Variants in SORL1 observed in about 807,000 individuals in gnomAD.
SORL1 encodes sortilin-related receptor.
In SORL1, 127 loss-of-function variants were observed where a neutral mutation model predicts 273.7. The ratio of observed to expected loss-of-function variants is 0.46; its 90% CI spans 0.40 to 0.54. The LOEUF is 0.54. Ranked by LOEUF, SORL1 falls within the 20% of genes least tolerant of loss-of-function variation. The probability of loss-of-function intolerance (pLI) is 0.00; values close to 1 mark genes in which losing one functional copy is unlikely to be tolerated. For missense variants in SORL1, 2,494 were observed against 2,846.1 expected, an observed-to-expected ratio of 0.88 and a Z score of 2.81; for synonymous variants, 1,031 against 1,067.4, an observed-to-expected ratio of 0.97 and a Z score of 0.66.
intron 25 of SORL1, among the ~76,000 whole-genome samples, chr11:121,582,156 A>G (rs1183977502): frequency 2.6e-5 from 4 of 152,222 alleles, no homozygotes; most frequent in Admixed American, 6.5e-5. Context: ...ATGAGCTACC[A>G]CTTGTTTTAA....
intron 2 of SORL1, among the ~76,000 whole-genome samples, chr11:121,472,288 C>A (rs550642279): frequency 1.3e-5 from 2 of 152,330 alleles, no homozygotes; most frequent in African/African-American, 4.8e-5. Flanking sequence ...TTGAGAAATC[C>A]TTCTTGGAAT....
intron 24 of SORL1, among the ~76,000 whole-genome samples, chr11:121,574,947 T>C (rs1862905854): frequency 6.6e-6 from 1 of 152,182 alleles, no homozygotes; most frequent in Admixed American, 6.5e-5. Context: ...CTCTGTGAAC[T>C]GTTCTTTTTT....
chr11:121,627,865 A>G lies in SORL1; in HGVS notation c.6577+98A>G. 1.3e-6 allele frequency: 1 copy of G among 771,618 alleles called. No individual in the cohort carries two copies. The highest frequency in any genetic ancestry group is 2.1e-6 in the Non-Finnish European group (1 of 483,470). 47.8% of individuals were successfully genotyped at this position (771,618 alleles called of 1,614,324 possible). On this transcript the variant is annotated intron_variant, in intron 47 of 47. Transcript: ENST00000260197. The surrounding 1 kb of genome is among the most constrained non-coding windows in gnomAD (Gnocchi z 4.9). ...ACACCCACCTTCAGCTCCTCTTTTG[A>G]CCCTGGAGGAGCTCTTCATCAGCCA... is the stretch of plus-strand genomic sequence containing the variant.
intron 25 of SORL1, among the ~76,000 whole-genome samples, chr11:121,579,723 A>G (rs1419427800): frequency 1.3e-5 from 2 of 152,208 alleles, no homozygotes; most frequent in Admixed American, 6.5e-5. Context: ...ATATTAAAAA[A>G]TCCTAAACTT....
chr11:121,596,582 G>T lies in SORL1; in HGVS notation c.4519+810G>T, dbSNP rs1863298796. Among the ~76,000 whole-genome samples, 1 of 152,122 alleles carries T rather than the reference G, an allele frequency of 6.6e-6. No individual in the cohort carries two copies. Among genetic ancestry groups the T allele is most frequent in the South Asian group, 2.1e-4 (1 of 4,822 alleles). On this transcript the variant is annotated intron_variant, in intron 32 of 47. Coordinates refer to ENST00000260197, the MANE Select transcript of SORL1 (RefSeq NM_003105.6). This position sits in a 1 kb window ranked among gnomAD's most constrained non-coding sequence, Gnocchi z 4.3. ...TGACGGTTGGGTGCTGCTCTGGCTC[G>T]GGGATCCCTGCTTTGCGGGCCTCCC... is the stretch of plus-strand genomic sequence containing the variant.
intron 1 of SORL1, among the ~76,000 whole-genome samples, chr11:121,455,310 G>A (rs1445640465): frequency 1.1e-4 from 16 of 152,294 alleles, no homozygotes. Context: ...ATAAGGGGTG[G>A]TGGGCTCAGA....
At chr11:121,454,226 C>T (rs1040077676) in intron 1 of SORL1, among the ~76,000 whole-genome samples, 11 of 152,258 alleles carry the variant, frequency 7.2e-5, no homozygotes, top group African/African-American at 1.9e-4. Context: ...ATTGGGCCTC[C>T]GCAGTCAGCC....
chr11:121,623,238 G>A (rs1277985903), intron 45 of SORL1, among the ~76,000 whole-genome samples: 1 of 152,198 alleles, frequency 6.6e-6, no homozygotes, highest in Non-Finnish European at 1.5e-5. Context: ...AAATAACAAA[G>A]AGGTAACCCT....
At chr11:121,600,927 G>A (rs930586588) in intron 32 of SORL1, among the ~76,000 whole-genome samples, 3 of 151,620 alleles carry the variant, frequency 2.0e-5, no homozygotes, top group Admixed American at 6.6e-5. Flanking sequence ...TTAAGTTTTA[G>A]GGTACATGTG....
At position 121,488,054 on chromosome 11, in the gene SORL1, C is replaced by T; in HGVS notation, c.551C>T (p.Ala184Val). 1 of 1,614,138 alleles carries T rather than the reference C, an allele frequency of 6.2e-7. No homozygotes were observed. The highest frequency in any genetic ancestry group is 1.1e-5 in the South Asian group (1 of 91,074). Residue 184 changes from alanine (A) to valine (V), a missense_variant, in exon 4 of 48, where the codon GCC becomes GTC. Coordinates refer to ENST00000260197, the MANE Select transcript of SORL1 (RefSeq NM_003105.6). ...CAGTACATCTTTGCAGACGCTTATG[C>T]CCAGTACCTCTGGATCACGTTTGAC... ...NKRYIFADAY[A>V]QYLWITFDFC...
Position 121,556,866 on chromosome 11 carries a change from A to G in SORL1, c.2572-448A>G, listed in dbSNP as rs548303946. On this transcript the variant is annotated intron_variant, in intron 18 of 47. Transcript: ENST00000260197. ...ATGACCAGCCTGGCTGACGGGAAGG[A>G]GCAAGAATATGAGTCCCACCTGTGG... The G allele has an allele frequency of 5.7e-5, 9 of 158,424 alleles. No homozygotes were observed. In the South Asian group the frequency reaches 1.6e-3, roughly 29 times the overall value. 9.8% of individuals were successfully genotyped at this position (158,424 alleles called of 1,614,324 possible). A position where few individuals can be genotyped will look rare whatever the true frequency, so the allele number is the denominator to read the frequency against.
intron 2 of SORL1, among the ~76,000 whole-genome samples, chr11:121,472,621 A>G (rs1861188237): frequency 6.6e-6 from 1 of 152,226 alleles, no homozygotes; most frequent in South Asian, 2.1e-4. Context: ...CAGTCTATTG[A>G]AACCCAACTC....
intron 32 of SORL1, 37 bp from the exon 33 acceptor site, chr11:121,604,156 C>T (rs1169646680): frequency 1.2e-6 from 2 of 1,611,058 alleles, no homozygotes; most frequent in Non-Finnish European, 1.7e-6. Context: ...CCATACGGCC[C>T]CTCCCCGTGG....
rs1216167670 is a variant in SORL1, at chr11:121,596,434, G to T, written c.4519+662G>T. 6.6e-6 allele frequency among the ~76,000 whole-genome samples: 1 copy of T among 152,222 alleles called. No homozygotes were observed. Among genetic ancestry groups the T allele is most frequent in the East Asian group, 1.9e-4 (1 of 5,194 alleles). On this transcript the variant is annotated intron_variant, in intron 32 of 47. Coordinates refer to ENST00000260197, the MANE Select transcript of SORL1 (RefSeq NM_003105.6). The surrounding 1 kb of genome is among the most constrained non-coding windows in gnomAD (Gnocchi z 4.3). Reference sequence around the variant, plus strand: ...GCAAGCGTTTATCCTCATGTGACCAGTCAGCGCTTTTCAGTCCCTGGCTGC... The same window carrying T: ...GCAAGCGTTTATCCTCATGTGACCATTCAGCGCTTTTCAGTCCCTGGCTGC...
chr11:121,471,985 G>GA (rs2134783996), intron 2 of SORL1, among the ~76,000 whole-genome samples: 1 of 152,286 alleles, frequency 6.6e-6, no homozygotes, highest in African/African-American at 2.4e-5. Context: ...AGCTGTGTCT[G>GA]AATGCCTTTG....
At chr11:121,625,877 G>A (rs1418135370) in intron 46 of SORL1, among the ~76,000 whole-genome samples, 1 of 152,062 alleles carries the variant, frequency 6.6e-6, no homozygotes, top group Non-Finnish European at 1.5e-5. Flanking sequence ...CAAATGTTTT[G>A]CCACTGGTCT....
intron 14 of SORL1, among the ~76,000 whole-genome samples, chr11:121,545,782 A>G (rs764013279): frequency 3.8e-4 from 58 of 152,220 alleles, no homozygotes; most frequent in Non-Finnish European, 6.8e-4. Flanking sequence ...GAGGGGATTT[A>G]TTTCTTTATC....
At position 121,452,646 on chromosome 11, in the gene SORL1, A is replaced by G. The variant is rs1176398914; in HGVS notation, c.285+30A>G. On this transcript the variant is annotated intron_variant, in intron 1 of 47. Coordinates refer to ENST00000260197, the MANE Select transcript of SORL1 (RefSeq NM_003105.6). This position sits in a 1 kb window ranked among gnomAD's most constrained non-coding sequence, Gnocchi z 5.3. The stretch of plus-strand genomic sequence containing the variant: ...GCAGTTTTGCAACCCGCCTCCCTCC[A>G]GTTTTTTCCTCTCCCTGCACTTCCT... 3 of 1,424,448 alleles carry G rather than the reference A, an allele frequency of 2.1e-6. No homozygotes were observed. The highest frequency in any genetic ancestry group is 5.7e-5 in the Admixed American group (2 of 35,010). 88.2% of individuals were successfully genotyped at this position (1,424,448 alleles called of 1,614,324 possible). A position where few individuals can be genotyped will look rare whatever the true frequency, so the allele number is the denominator to read the frequency against.
At position 121,595,323 on chromosome 11, in the gene SORL1, T is replaced by TG. The variant is rs1863276252; in HGVS notation, c.4370-298dup. Reference sequence around the variant, plus strand: ...GCTTAGGGTAGGACGCAGCCTTCGCTGGCCTCTTTAGTCACATACCGCTAT... The same window carrying TG: ...GCTTAGGGTAGGACGCAGCCTTCGCTGGGCCTCTTTAGTCACATACCGCTAT... On this transcript the variant is annotated intron_variant, in intron 31 of 47. Coordinates refer to ENST00000260197, the MANE Select transcript of SORL1 (RefSeq NM_003105.6). This position sits in a 1 kb window ranked among gnomAD's most constrained non-coding sequence, Gnocchi z 5.1. 6.6e-6 allele frequency among the ~76,000 whole-genome samples: 1 copy of TG among 152,236 alleles called. No individual in the cohort carries two copies. The highest frequency in any genetic ancestry group is 1.5e-5 in the Non-Finnish European group (1 of 68,034).
Sources: allele counts gnomAD v4.1 joint callset (sites outside exome capture counted in the v4.1 genomes callset), GRCh38; gene constraint gnomAD v4.1.1; non-coding constraint Gnocchi (gnomAD v3.1); transcripts MANE v1.5; gene names NCBI Gene and HGNC (gene_info 2026-07-23, HGNC 2026-07-21).